The following EPHA6 variants were observed in gnomAD, a reference collection of about 807,000 sequenced individuals.
EPHA6 encodes the protein EPH receptor A6.
A neutral mutation model predicts 112.0 loss-of-function variants in EPHA6; 50 were observed. The observed-to-expected ratio is 0.45, with a 90% CI of 0.36 to 0.56. The LOEUF (loss-of-function observed/expected upper bound fraction) is 0.56. EPHA6 is among the 20% of genes least tolerant of loss of function. The pLI, the probability that EPHA6 is intolerant of heterozygous loss-of-function variation, is 0.00. For synonymous variants in EPHA6, 529 were observed against 490.7 expected (o/e 1.08, Z -1.03); for missense variants, 1,280 against 1,417.4 (o/e 0.90, Z 1.56).
chr3:97,017,685 T>C (rs1308581092), intron 3 of EPHA6, among the ~76,000 whole-genome samples: 1 of 152,152 alleles, frequency 6.6e-6, no homozygotes, highest in African/African-American at 2.4e-5. Context: ...TTGTACGTTA[T>C]TTGTTTCTTT....
At chr3:97,575,845 T>C (rs574903932) in intron 11 of EPHA6, among the ~76,000 whole-genome samples, 4 of 152,118 alleles carry the variant, frequency 2.6e-5, no homozygotes, top group South Asian at 4.1e-4. Flanking sequence ...GAGTAAAAAA[T>C]ATAGGTAGAC....
chr3:96,934,970 A>G (rs1051870686), intron 2 of EPHA6, among the ~76,000 whole-genome samples: 1 of 151,788 alleles, frequency 6.6e-6, no homozygotes, highest in African/African-American at 2.4e-5. Context: ...ATATGATATC[A>G]TTTATTTTTT....
At chr3:96,958,528 A>C (rs2041846033) in intron 2 of EPHA6, among the ~76,000 whole-genome samples, 1 of 152,204 alleles carries the variant, frequency 6.6e-6, no homozygotes, top group Admixed American at 6.5e-5. Context: ...TTACAATAAT[A>C]GTCAATGATT....
intron 2 of EPHA6, among the ~76,000 whole-genome samples, chr3:96,949,196 G>A (rs1416001082): frequency 6.6e-6 from 1 of 152,038 alleles, no homozygotes; most frequent in South Asian, 2.1e-4. Flanking sequence ...AGAAAAAATT[G>A]TAAGTTTTTT....
At chr3:97,089,906 G>A (rs1251844400) in intron 3 of EPHA6, among the ~76,000 whole-genome samples, 1 of 151,864 alleles carries the variant, frequency 6.6e-6, no homozygotes, top group Non-Finnish European at 1.5e-5. Flanking sequence ...AAACAAACAG[G>A]GAGATTATTT....
At chr3:97,737,416 A>C (rs1483274256) in intron 16 of EPHA6, among the ~76,000 whole-genome samples, 3 of 152,090 alleles carry the variant, frequency 2.0e-5, no homozygotes, top group Admixed American at 6.6e-5. Flanking sequence ...TGGGGGTCAG[A>C]AGATAAGAGA....
At chr3:96,896,062 C>T (rs1390117737) in intron 2 of EPHA6, among the ~76,000 whole-genome samples, 4 of 152,154 alleles carry the variant, frequency 2.6e-5, no homozygotes, top group African/African-American at 9.7e-5. Context: ...CCTATCAATG[C>T]ATTTCTCAGA....
Position 97,618,125 on chromosome 3 carries a change from A to C in EPHA6, c.2574+7271A>C, listed in dbSNP as rs183654553. On this transcript the variant is annotated intron_variant, in intron 13 of 17. Coordinates refer to ENST00000389672, the MANE Select transcript of EPHA6 (RefSeq NM_001080448.3). ...ATTGGAACTCAAGACTAAGAAATAC[A>C]CTCAAAACCACACAATTACATGGAA... is the stretch of plus-strand genomic sequence containing the variant. 5.9e-3 allele frequency among the ~76,000 whole-genome samples: 900 copies of C among 152,238 alleles called. 13 individuals are homozygous for C. Among genetic ancestry groups the C allele is most frequent in the African/African-American group, 0.021 (863 of 41,564 alleles).
chr3:97,004,138 A>G (rs1305889318), intron 3 of EPHA6, among the ~76,000 whole-genome samples: 1 of 152,124 alleles, frequency 6.6e-6, no homozygotes, highest in South Asian at 2.1e-4. Flanking sequence ...AGAATGATTC[A>G]TATTCCCGTG....
At chr3:96,904,789 A>G (rs569701494) in intron 2 of EPHA6, among the ~76,000 whole-genome samples, 1 of 152,228 alleles carries the variant, frequency 6.6e-6, no homozygotes, top group East Asian at 1.9e-4. Context: ...GACAATGGTA[A>G]TATTTCTAAA....
At chr3:97,631,098 A>T (rs2093898940) in intron 13 of EPHA6, among the ~76,000 whole-genome samples, 1 of 152,004 alleles carries the variant, frequency 6.6e-6, no homozygotes, top group Non-Finnish European at 1.5e-5. Flanking sequence ...CTTTTACTGC[A>T]TTTGTAAACC....
At chr3:96,972,133 T>G (rs2042337577) in intron 2 of EPHA6, among the ~76,000 whole-genome samples, 1 of 152,118 alleles carries the variant, frequency 6.6e-6, no homozygotes, top group Admixed American at 6.6e-5. Context: ...TTTAGTCTTT[T>G]GGATTCTATA....
rs576855479 is a variant in EPHA6, at chr3:97,170,145, G to A, written c.1115-56119G>A. ...TAAAGAAAAAAAAAAAGCCAAAATA[G>A]AAGGAAACAATCACTGCTCTAAGAA... On this transcript the variant is annotated intron_variant, in intron 3 of 17. Coordinates refer to ENST00000389672, the MANE Select transcript of EPHA6 (RefSeq NM_001080448.3). 4.0e-5 allele frequency among the ~76,000 whole-genome samples: 6 copies of A among 149,912 alleles called. No homozygotes were observed. The East Asian group carries it at 9.7e-4, about 24-fold the overall frequency.
intron 2 of EPHA6, among the ~76,000 whole-genome samples, chr3:96,986,013 A>C (rs1314674978): frequency 6.6e-6 from 1 of 152,162 alleles, no homozygotes; most frequent in East Asian, 1.9e-4. Context: ...TGTTGTTTTC[A>C]GTATACTCTA....
At chr3:97,287,495 A>C (rs1040593159) in intron 5 of EPHA6, among the ~76,000 whole-genome samples, 2 of 152,164 alleles carry the variant, frequency 1.3e-5, no homozygotes, top group African/African-American at 2.4e-5. Context: ...CAAAACAAAA[A>C]AAAACTAGGC....
Position 97,442,208 on chromosome 3 carries a change from C to G in EPHA6, c.1732-6360C>G, listed in dbSNP as rs1360484078. On this transcript the variant is annotated intron_variant, in intron 6 of 17. Transcript: ENST00000389672. ...GGTTCACACATAACTCATTCTGGTA[C>G]TCTATTTTGTACATCTTGAACTGGA... Among the ~76,000 whole-genome samples the G allele has an allele frequency of 2.0e-5, 3 of 152,098 alleles. No individual in the cohort carries two copies. In the East Asian group the frequency reaches 5.8e-4, roughly 29 times the overall value.
intron 3 of EPHA6, among the ~76,000 whole-genome samples, chr3:97,047,099 T>C (rs1191045501): frequency 1.3e-5 from 2 of 152,068 alleles, no homozygotes; most frequent in Non-Finnish European, 2.9e-5. Flanking sequence ...TTTGAATTTG[T>C]ATATGGTATA....
chr3:96,887,220 C>A (rs1461849411), intron 2 of EPHA6, among the ~76,000 whole-genome samples: 1 of 152,050 alleles, frequency 6.6e-6, no homozygotes, highest in Admixed American at 6.5e-5. Context: ...TGGGTAGGCT[C>A]TGTCAGAGGG....
intron 10 of EPHA6, among the ~76,000 whole-genome samples, chr3:97,508,438 G>A (rs1233644523): frequency 1.3e-5 from 2 of 152,198 alleles, no homozygotes; most frequent in Admixed American, 6.5e-5. Context: ...TCATCCAGGA[G>A]CAGGTTGTTG....
Sources: gnomAD v4.1 joint callset for allele counts (sites outside exome capture counted in the v4.1 genomes callset) on GRCh38, gnomAD v4.1.1 for gene constraint, MANE v1.5 for transcripts, NCBI Gene and HGNC (gene_info 2026-07-23, HGNC 2026-07-21) for gene names.